The following PLXNA1 variants were observed in gnomAD, a reference collection of about 807,000 sequenced individuals.
PLXNA1 encodes plexin-A1.
A neutral mutation model predicts 191.7 loss-of-function variants in PLXNA1; 77 were observed. The observed-to-expected ratio is 0.40, with a 90% CI of 0.33 to 0.49. The LOEUF is 0.49. Among genes scored for constraint, PLXNA1 ranks in the 20% least tolerant of loss-of-function variants. The probability of loss-of-function intolerance (pLI) is 0.63; values close to 1 mark genes in which losing one functional copy is unlikely to be tolerated. For synonymous variants in PLXNA1, 1,137 were observed against 1,156.4 expected (o/e 0.98, Z 0.34); for missense variants, 2,110 against 2,660.2 (o/e 0.79, Z 4.55).
rs1251048400 is a variant in PLXNA1, at chr3:127,030,173, C to T, written c.5062-70C>T. ...CCCCCATGCTCCCATGGCCACTTGC[C>T]TAGTCACCCAGGAGGTGTAGGCAGC... On this transcript the variant is annotated intron_variant, in intron 28 of 31. Coordinates refer to ENST00000393409, the MANE Select transcript of PLXNA1 (RefSeq NM_032242.4). 3.8e-6 allele frequency: 6 copies of T among 1,591,374 alleles called. 1 individual carries two copies. The highest frequency in any genetic ancestry group is 5.1e-6 in the Non-Finnish European group (6 of 1,166,596).
At chr3:127,033,611 G>C (rs2079223623) in intron 31 of PLXNA1, among the ~76,000 whole-genome samples, 2 of 152,154 alleles carry the variant, frequency 1.3e-5, no homozygotes, top group Non-Finnish European at 2.9e-5. Flanking sequence ...GAGGCTCTCT[G>C]GGGAGCTCTG....
intron 14 of PLXNA1, 127 bp from the exon 15 acceptor site, chr3:127,015,057 C>T (rs2107632208): frequency 2.8e-6 from 4 of 1,410,382 alleles, no homozygotes; most frequent in Middle Eastern, 4.1e-4. Flanking sequence ...TGAAGTGCAG[C>T]TCCCGGGCAT....
At chr3:126,985,393 C>T (rs532639783) in intron 1 of PLXNA1, among the ~76,000 whole-genome samples, 1 of 152,204 alleles carries the variant, frequency 6.6e-6, no homozygotes, top group South Asian at 2.1e-4. Context: ...GGCTCTGCCT[C>T]AGCCTAGAAC....
rs1383308152 is a variant in PLXNA1, at chr3:127,014,162, G to A, written c.2411-20G>A. On this transcript the variant is annotated intron_variant, in intron 11 of 31. Coordinates refer to ENST00000393409, the MANE Select transcript of PLXNA1 (RefSeq NM_032242.4). Reference sequence around the variant, plus strand: ...GGTGGGCAGTGGGCGGGCCCGAGCTGACCGCACCCCTCCCCACAGCGCACC... The same window carrying A: ...GGTGGGCAGTGGGCGGGCCCGAGCTAACCGCACCCCTCCCCACAGCGCACC... 6.2e-7 allele frequency: 1 copy of A among 1,612,002 alleles called. No homozygotes were observed. Among genetic ancestry groups the A allele is most frequent in the Non-Finnish European group, 8.5e-7 (1 of 1,179,184 alleles).
Position 127,003,453 on chromosome 3 carries a change from G to T in PLXNA1, c.1501G>T (p.Ala501Ser). The T allele has an allele frequency of 6.2e-7, 1 of 1,610,146 alleles. No homozygotes were observed. The change falls in exon 4 of 32, where the codon GCC (alanine) becomes TCC (serine). Residue 501 changes from alanine (A) to serine (S), a missense_variant. This residue lies in a region of PLXNA1 where 903 missense variants were observed against 1,015.7 expected (regional missense o/e 0.89). Coordinates refer to ENST00000393409, the MANE Select transcript of PLXNA1 (RefSeq NM_032242.4). ...VLSPNHQYLYAMTEKQVTRVP... is the reference protein window; with the variant it reads ...VLSPNHQYLYSMTEKQVTRVP... ...CAGCCCCAACCACCAGTACCTCTAC[G>T]CCATGACCGAGAAGCAGGTGGGTGC...
At chr3:127,007,659 T>C (rs2079075366) in intron 8 of PLXNA1, 140 bp from the exon 9 acceptor site, 1 of 551,532 alleles carries the variant, frequency 1.8e-6, no homozygotes, top group Non-Finnish European at 3.2e-6. Context: ...GGAAGAACTT[T>C]CCAGGCCAGG....
At chr3:126,988,481 C>A in intron 1 of PLXNA1, 40 bp from the exon 2 acceptor site, 1 of 918,352 alleles carries the variant, frequency 1.1e-6, no homozygotes, top group Non-Finnish European at 1.6e-6. Flanking sequence ...TGGGATGGGC[C>A]ATGCCTGCAT....
intron 3 of PLXNA1, among the ~76,000 whole-genome samples, chr3:126,997,615 G>A (rs1385797742): frequency 6.6e-6 from 1 of 152,260 alleles, no homozygotes; most frequent in African/African-American, 2.4e-5. Context: ...TTCCTGGTGA[G>A]CGTGTGCCCG....
At chr3:127,033,722 G>A (rs1222815168) in intron 31 of PLXNA1, among the ~76,000 whole-genome samples, 200 bp from the exon 32 acceptor site, 2 of 152,130 alleles carry the variant, frequency 1.3e-5, no homozygotes, top group Admixed American at 6.5e-5. Flanking sequence ...GTTTTAGGGG[G>A]TGAGAGTAGG....
At chr3:127,005,478 T>C (rs895138975) in intron 7 of PLXNA1, among the ~76,000 whole-genome samples, 2 of 152,142 alleles carry the variant, frequency 1.3e-5, no homozygotes, top group African/African-American at 4.8e-5. Flanking sequence ...GATACATCCT[T>C]CTTAGGATTT....
At chr3:127,005,457 G>A (rs546309042) in intron 7 of PLXNA1, among the ~76,000 whole-genome samples, 1 of 152,340 alleles carries the variant, frequency 6.6e-6, no homozygotes, top group East Asian at 1.9e-4. Flanking sequence ...CTGCCAGGGA[G>A]GTGGACAGCG....
At chr3:126,993,020 T>TA (rs2107621937) in intron 3 of PLXNA1, among the ~76,000 whole-genome samples, 1 of 152,250 alleles carries the variant, frequency 6.6e-6, no homozygotes, top group African/African-American at 2.4e-5. Context: ...CAGAGCCTGT[T>TA]ACCCAGCCAG....
At chr3:127,012,591 C>T (rs777228597) in intron 10 of PLXNA1, among the ~76,000 whole-genome samples, 2 of 152,232 alleles carry the variant, frequency 1.3e-5, no homozygotes, top group Admixed American at 6.5e-5. Context: ...GGTGCCAGAG[C>T]GCATGGCTCC....
chr3:126,987,257 T>C (rs923013925), intron 1 of PLXNA1, among the ~76,000 whole-genome samples: 1 of 152,174 alleles, frequency 6.6e-6, no homozygotes, highest in Non-Finnish European at 1.5e-5. Flanking sequence ...TTTAGCCCAG[T>C]GCTTGGCTGC....
At position 127,017,617 on chromosome 3, in the gene PLXNA1, C is replaced by T. The variant is rs1304239176; in HGVS notation, c.3469C>T (p.Pro1157Ser). The T allele has an allele frequency of 3.7e-6, 6 of 1,613,610 alleles. No individual in the cohort carries two copies. The highest frequency in any genetic ancestry group is 1.3e-5 in the African/African-American group (1 of 74,922). ...TGACCCCGTACTGGAGCCACTCAGC[C>T]CCACTGGCCTGCTGGAGCTGAAGCC... Reference protein sequence around the residue: ...YPDPVLEPLSPTGLLELKPSS... With the variant: ...YPDPVLEPLSSTGLLELKPSS... The change falls in exon 18 of 32, where the codon CCC (proline) becomes TCC (serine). Residue 1157 changes from proline to serine, a missense_variant. By Grantham distance (74) the Pro-to-Ser change is moderately conservative. Around this residue, in one of 4 missense-constraint regions of PLXNA1, gnomAD observed 644 missense variants for 714.3 expected, o/e 0.90. Coordinates refer to ENST00000393409, the MANE Select transcript of PLXNA1 (RefSeq NM_032242.4).
intron 21 of PLXNA1, among the ~76,000 whole-genome samples, chr3:127,021,793 G>T (rs2079153167): frequency 6.6e-6 from 1 of 152,212 alleles, no homozygotes; most frequent in South Asian, 2.1e-4. Flanking sequence ...CCTTTGTCAT[G>T]TCGGCTTGCA....
chr3:127,020,430 G>C (rs1380382761), intron 21 of PLXNA1, 86 bp downstream of exon 21: 1 of 1,523,756 alleles, frequency 6.6e-7, no homozygotes, highest in African/African-American at 1.4e-5. Context: ...GCTGATGGAT[G>C]GTATGGGGCA....
chr3:127,013,387 G>A (rs562724285), intron 10 of PLXNA1, among the ~76,000 whole-genome samples: 1 of 152,300 alleles, frequency 6.6e-6, no homozygotes, highest in East Asian at 1.9e-4. Flanking sequence ...TTGCCGGGCC[G>A]CCCCTTGGAG....
chr3:127,017,332 G>A (rs1281835896), intron 17 of PLXNA1, 93 bp from the exon 18 acceptor site: 3 of 1,504,436 alleles, frequency 2.0e-6, no homozygotes, highest in Non-Finnish European at 2.7e-6. Context: ...TCTGTGCAGG[G>A]AGCAGGCAGC....
Sources: gnomAD v4.1 joint callset for allele counts (sites outside exome capture counted in the v4.1 genomes callset) on GRCh38, gnomAD v4.1.1 for gene constraint, gnomAD v4.1.1 regional missense constraint, MANE v1.5 for transcripts, NCBI Gene and HGNC (gene_info 2026-07-23, HGNC 2026-07-21) for gene names.